The following GLB1L2 variants were observed in gnomAD, a reference collection of about 807,000 sequenced individuals.
The protein encoded by GLB1L2 is galactosidase beta 1 like 2.
In GLB1L2, 68 loss-of-function variants were observed where a neutral mutation model predicts 84.1. That is an observed-to-expected ratio of 0.81 (90% CI 0.67 to 0.99). The LOEUF is 0.99. Among genes scored for constraint, GLB1L2 ranks in the 50% least tolerant of loss-of-function variants. The pLI, the probability that GLB1L2 is intolerant of heterozygous loss-of-function variation, is 0.00. For synonymous variants in GLB1L2, 290 were observed against 318.0 expected (o/e 0.91, Z 0.94); for missense variants, 762 against 805.6 (o/e 0.95, Z 0.66).
chr11:134,374,035 G>C, intron 16 of GLB1L2, 110 bp from the exon 17 acceptor site: 1 of 840,510 alleles, frequency 1.2e-6, no homozygotes. Flanking sequence ...CTGGTTAAGA[G>C]GCGGGGGGCC....
intron 5 of GLB1L2, chr11:134,355,918 GGGA>G: frequency 2.3e-6 from 1 of 435,264 alleles, no homozygotes; most frequent in South Asian, 1.7e-5. Context: ...TTCCCCATGA[GGGA>G]GCGGGGAGTT....
Position 134,367,352 on chromosome 11 carries a change from G to A in GLB1L2, c.889+11G>A. 8 of 1,607,882 alleles carry A rather than the reference G, an allele frequency of 5.0e-6. No individual in the cohort carries two copies. Among genetic ancestry groups the A allele is most frequent in the Non-Finnish European group, 6.8e-6 (8 of 1,174,618 alleles). On this transcript the variant is annotated intron_variant, in intron 9 of 18. Transcript: ENST00000535456. Reference sequence around the variant, plus strand: ...TCTTGGATTCTTCTGGTGAGTGCTTGCGGTGACTACATCCAGAATGTGTGC... The same window carrying A: ...TCTTGGATTCTTCTGGTGAGTGCTTACGGTGACTACATCCAGAATGTGTGC...
At chr11:134,373,197 C>T (rs1035573528) in intron 15 of GLB1L2, among the ~76,000 whole-genome samples, 3 of 152,334 alleles carry the variant, frequency 2.0e-5, no homozygotes, top group Admixed American at 6.5e-5. Flanking sequence ...AGGGCTGGCC[C>T]GGCCCCGGGA....
At position 134,338,077 on chromosome 11, in the gene GLB1L2, C is replaced by G. The variant is rs1364299559; in HGVS notation, c.87-4677C>G. Among the ~76,000 whole-genome samples the G allele has an allele frequency of 6.6e-6, 1 of 152,156 alleles. No homozygotes were observed. The highest frequency in any genetic ancestry group is 1.5e-5 in the Non-Finnish European group (1 of 68,020). ...TATGCTGGTGGCCAGCCTCGGACTG[C>G]GTGAGTGCTGCCTGGTCTCCACCGG... On this transcript the variant is annotated intron_variant, in intron 1 of 18. Transcript: ENST00000535456. The surrounding 1 kb of genome is among the most constrained non-coding windows in gnomAD (Gnocchi z 6.2).
intron 1 of GLB1L2, among the ~76,000 whole-genome samples, chr11:134,335,515 G>A (rs1337707169): frequency 6.6e-6 from 1 of 152,154 alleles, no homozygotes; most frequent in East Asian, 1.9e-4. Flanking sequence ...GAATCACCCT[G>A]TGCTAGGAAG....
intron 10 of GLB1L2, 51 bp downstream of exon 10, chr11:134,368,832 C>G: frequency 6.3e-7 from 1 of 1,598,652 alleles, no homozygotes; most frequent in Non-Finnish European, 8.5e-7. Flanking sequence ...ATGGGCATGG[C>G]TGGGACTTGC....
intron 5 of GLB1L2, among the ~76,000 whole-genome samples, chr11:134,348,642 T>C (rs1591614634): frequency 6.6e-6 from 1 of 152,222 alleles, no homozygotes; most frequent in African/African-American, 2.4e-5. Flanking sequence ...CATTTTGAAA[T>C]GTACAGCTCA....
chr11:134,368,634 C>T lies in GLB1L2; in HGVS notation c.890-10C>T, dbSNP rs1943897049. On this transcript the variant is annotated splice_polypyrimidine_tract_variant and intron_variant, in intron 9 of 18. Transcript: ENST00000535456. ...CACTCTGCACATCCCCTTTCTCCCT[C>T]CTCCGGCAGAGGTTTTGAAAACCGT... The T allele has an allele frequency of 1.2e-6, 2 of 1,613,540 alleles. No homozygotes were observed. Among genetic ancestry groups the T allele is most frequent in the Non-Finnish European group, 1.7e-6 (2 of 1,179,964 alleles).
intron 7 of GLB1L2, chr11:134,359,503 G>T (rs567474535): frequency 2.2e-5 from 4 of 183,492 alleles, no homozygotes; most frequent in African/African-American, 9.4e-5. Context: ...TCTCCATTCC[G>T]CCTGGCACCT....
At chr11:134,371,975 T>A in intron 15 of GLB1L2, 145 bp downstream of exon 15, 3 of 721,074 alleles carry the variant, frequency 4.2e-6, no homozygotes, top group South Asian at 3.4e-5. Flanking sequence ...AGGCCAGTTC[T>A]GAGTGGGCCA....
rs1943422042 is a variant in GLB1L2 at position 134,338,685 on chromosome 11, T to C, written c.87-4069T>C. Reference sequence around the variant, plus strand: ...CTATGTCCTCTGCTTCAGGTTTCCATTGCAACCAATTTTTGTGTCTGCAGC... The same window carrying C: ...CTATGTCCTCTGCTTCAGGTTTCCACTGCAACCAATTTTTGTGTCTGCAGC... On this transcript the variant is annotated intron_variant, in intron 1 of 18. Coordinates refer to ENST00000535456, the MANE Select transcript of GLB1L2 (RefSeq NM_001370461.1). The surrounding 1 kb of genome is among the most constrained non-coding windows in gnomAD (Gnocchi z 6.2). Among the ~76,000 whole-genome samples the C allele has an allele frequency of 6.6e-6, 1 of 152,194 alleles. No homozygotes were observed. Among genetic ancestry groups the C allele is most frequent in the South Asian group, 2.1e-4 (1 of 4,832 alleles).
At chr11:134,374,315 C>A in intron 17 of GLB1L2, 59 bp downstream of exon 17, 1 of 1,358,544 alleles carries the variant, frequency 7.4e-7, no homozygotes, top group Non-Finnish European at 1.1e-6. Context: ...TTGGAGGGCT[C>A]TGAGCCAAAG....
chr11:134,365,059 A>C (rs1591622397), intron 8 of GLB1L2: 1 of 152,578 alleles, frequency 6.6e-6, no homozygotes, highest in Admixed American at 6.5e-5. Context: ...CTGCATCGTC[A>C]CACTGGTCCT....
intron 5 of GLB1L2, among the ~76,000 whole-genome samples, chr11:134,348,012 A>C (rs1283942902): frequency 6.6e-6 from 1 of 152,246 alleles, no homozygotes; most frequent in Admixed American, 6.5e-5. Context: ...GAAGTACCTT[A>C]ATATTTTATA....
chr11:134,365,732 C>T lies in GLB1L2; in HGVS notation c.804+1334C>T, dbSNP rs556807881. On this transcript the variant is annotated intron_variant, in intron 8 of 18. Transcript: ENST00000535456. ...TGGCCCTGCTGAAGGGCTTTATGTG[C>T]GCAGTCCAGAGATGTCTGTTTTCCT... is the stretch of plus-strand genomic sequence containing the variant. Among the ~76,000 whole-genome samples, 8 of 152,268 alleles carry T rather than the reference C, an allele frequency of 5.3e-5. No individual in the cohort carries two copies. The South Asian group carries it at 1.2e-3, about 24-fold the overall frequency.
intron 8 of GLB1L2, among the ~76,000 whole-genome samples, chr11:134,366,046 G>GGCTTGGGGACTGCA (rs1157297024): frequency 6.6e-6 from 1 of 152,216 alleles, no homozygotes; most frequent in African/African-American, 2.4e-5. Context: ...TGTAAGTAGT[G>GGCTTGGGGACTGCA]GCTTGGGGAC....
At chr11:134,359,182 C>T (rs753084313) in intron 7 of GLB1L2, 41 bp downstream of exon 7, 2 of 1,452,996 alleles carry the variant, frequency 1.4e-6, no homozygotes, top group Non-Finnish European at 1.9e-6. Flanking sequence ...TGGCGGCGGC[C>T]CTGGGCTGGC....
At position 134,338,189 on chromosome 11, in the gene GLB1L2, T is replaced by C. The variant is rs943597585; in HGVS notation, c.87-4565T>C. On this transcript the variant is annotated intron_variant, in intron 1 of 18. Transcript: ENST00000535456. This position sits in a 1 kb window ranked among gnomAD's most constrained non-coding sequence, Gnocchi z 6.2. ...ATCCTGGCCTATCTGTGTCTGGTCATACTCTGCATGGCAGACCAGAAAGAG... is the reference window on the plus strand; with the variant it reads ...ATCCTGGCCTATCTGTGTCTGGTCACACTCTGCATGGCAGACCAGAAAGAG... Among the ~76,000 whole-genome samples the C allele has an allele frequency of 1.3e-5, 2 of 152,166 alleles. No homozygotes were observed. The highest frequency in any genetic ancestry group is 2.4e-5 in the African/African-American group (1 of 41,436).
chr11:134,367,048 C>A (rs1157847078), intron 8 of GLB1L2: 2 of 604,678 alleles, frequency 3.3e-6, no homozygotes, highest in Non-Finnish European at 5.9e-6. Context: ...CTGCTCTATA[C>A]CTGCAGGAGG....
Sources: gnomAD v4.1 joint callset for allele counts (sites outside exome capture counted in the v4.1 genomes callset) on GRCh38, gnomAD v4.1.1 for gene constraint, Gnocchi (gnomAD v3.1) non-coding constraint, MANE v1.5 for transcripts, NCBI Gene and HGNC (gene_info 2026-07-23, HGNC 2026-07-21) for gene names.